TENM1: variants seen among roughly 807,000 people sequenced by gnomAD.
The protein encoded by TENM1 is teneurin transmembrane protein 1.
Under a neutral mutation model 174.8 loss-of-function variants are expected in TENM1, and 35 were observed. The observed-to-expected ratio is 0.20, with a 90% CI of 0.15 to 0.27. The LOEUF is 0.27. TENM1 is among the 10% of genes least tolerant of loss of function. The pLI is 1.00. For synonymous variants in TENM1, 781 were observed against 798.7 expected (o/e 0.98, Z 0.37); for missense variants, 1,633 against 2,130.1 (o/e 0.77, Z 4.59).
intron 3 of TENM1, among the ~76,000 whole-genome samples, chrX:124,826,878 T>A (rs1370524439): frequency 9.0e-6 from 1 of 111,652 alleles, no homozygotes; most frequent in Non-Finnish European, 1.9e-5. Context: ...AAGGTCACAC[T>A]TTTTGCTCAC....
intron 22 of TENM1, among the ~76,000 whole-genome samples, chrX:124,458,149 A>T (rs1302121550): frequency 8.9e-6 from 1 of 112,093 alleles, no homozygotes; most frequent in Non-Finnish European, 1.9e-5. Context: ...GTTCATGTGC[A>T]TTCCAATTCT....
At chrX:124,662,977 T>C (rs1167631664) in intron 6 of TENM1, among the ~76,000 whole-genome samples, 2 of 112,218 alleles carry the variant, frequency 1.8e-5, no homozygotes, top group Non-Finnish European at 3.8e-5. Flanking sequence ...AGTAGCAGCT[T>C]GGCTGATACA....
At chrX:125,137,468 T>C in the TENM1 span, among the ~76,000 whole-genome samples, 1 of 109,960 alleles carries the variant, frequency 9.1e-6, no homozygotes, top group Non-Finnish European at 1.9e-5. Context: ...AGGAATTAAA[T>C]AAATGGTGTC....
intron 3 of TENM1, among the ~76,000 whole-genome samples, chrX:124,751,931 T>G (rs1220304075): frequency 1.4e-4 from 15 of 110,425 alleles, no homozygotes; most frequent in Non-Finnish European, 2.7e-4. Flanking sequence ...TTGCTATTGT[T>G]AATAGTGCCG....
intron 15 of TENM1, among the ~76,000 whole-genome samples, chrX:124,532,984 G>A (rs1402663901): frequency 8.9e-6 from 1 of 112,119 alleles, no homozygotes. Context: ...CAGTATTAAA[G>A]TATTCTTTTT....
chrX:124,529,760 A>G, intron 16 of TENM1, 104 bp downstream of exon 19: 1 of 1,045,264 alleles, frequency 9.6e-7, no homozygotes, highest in Non-Finnish European at 1.3e-6. Context: ...TATAACTTGA[A>G]GAAAGATGGG....
the TENM1 span, among the ~76,000 whole-genome samples, chrX:125,072,257 C>A: frequency 9.0e-6 from 1 of 111,518 alleles, no homozygotes; most frequent in Non-Finnish European, 1.9e-5. Flanking sequence ...TCTGGTTTTC[C>A]TTTCCTTTAT....
At chrX:125,109,633 G>C in the TENM1 span, among the ~76,000 whole-genome samples, 1 of 111,236 alleles carries the variant, frequency 9.0e-6, no homozygotes, top group Non-Finnish European at 1.9e-5. Flanking sequence ...CAGAGGGAGA[G>C]AGAGAAAAGA....
At chrX:124,483,013 T>C (rs1319057362) in intron 21 of TENM1, among the ~76,000 whole-genome samples, 2 of 112,391 alleles carry the variant, frequency 1.8e-5, no homozygotes, top group Non-Finnish European at 3.8e-5. Context: ...TATCTTTCAG[T>C]ATCTCTGGCC....
At chrX:124,872,442 C>T (rs2057127522) in intron 3 of TENM1, among the ~76,000 whole-genome samples, 1 of 111,839 alleles carries the variant, frequency 8.9e-6, no homozygotes. Flanking sequence ...TACCAACAAA[C>T]TAACTTTTCA....
Position 124,660,209 on chromosome X carries a change from C to A in TENM1, c.1169-6426G>T, listed in dbSNP as rs1239675060. Among the ~76,000 whole-genome samples the A allele has an allele frequency of 3.6e-5, 4 of 109,836 alleles. No homozygotes were observed. The Admixed American group carries it at 3.9e-4, about 11-fold the overall frequency. On this transcript the variant is annotated intron_variant, in intron 6 of 31. Transcript: ENST00000422452. Reference sequence around the variant, plus strand: ...CTAACACAGTGAAACCCCGTCTCTACTAAAAAATAGAAAAAATTAGCCAGG... The same window carrying A: ...CTAACACAGTGAAACCCCGTCTCTAATAAAAAATAGAAAAAATTAGCCAGG...
intron 14 of TENM1, among the ~76,000 whole-genome samples, chrX:124,556,938 A>T (rs1306843644): frequency 1.8e-5 from 2 of 112,086 alleles, no homozygotes; most frequent in Non-Finnish European, 3.8e-5. Flanking sequence ...TTGCTAGACC[A>T]TAAGCTCCAT....
At chrX:124,555,835 C>T (rs1224840431) in intron 14 of TENM1, among the ~76,000 whole-genome samples, 1 of 111,807 alleles carries the variant, frequency 8.9e-6, no homozygotes, top group African/African-American at 3.3e-5. Flanking sequence ...CTTGTTTGTG[C>T]TCTAATTGAA....
chrX:124,631,750 A>G (rs1463642113), intron 11 of TENM1, among the ~76,000 whole-genome samples: 1 of 107,587 alleles, frequency 9.3e-6, no homozygotes, highest in Non-Finnish European at 1.9e-5. Context: ...ATACAAAAAA[A>G]TTAGCCAGGT....
At chrX:124,953,722 G>A (rs963076975) in intron 1 of TENM1, among the ~76,000 whole-genome samples, 1 of 111,690 alleles carries the variant, frequency 9.0e-6, no homozygotes, top group Non-Finnish European at 1.9e-5. Flanking sequence ...GTGACACTTA[G>A]CCAGGGAGTC....
At chrX:124,980,974 T>G in the TENM1 span, among the ~76,000 whole-genome samples, 1 of 112,225 alleles carries the variant, frequency 8.9e-6, no homozygotes, top group African/African-American at 3.2e-5. Flanking sequence ...TGTACTTTCC[T>G]CTCTGTTCTT....
intron 3 of TENM1, among the ~76,000 whole-genome samples, chrX:124,866,848 A>G (rs376284005): frequency 1.8e-5 from 2 of 111,591 alleles, no homozygotes; most frequent in African/African-American, 6.5e-5. Flanking sequence ...TCAAAGTATC[A>G]TTAGTGTAAT....
At chrX:124,523,258 C>T in intron 17 of TENM1, 106 bp downstream of exon 20, 4 of 862,957 alleles carry the variant, frequency 4.6e-6, no homozygotes, top group Admixed American at 5.6e-5. Flanking sequence ...AAGGGCAGCA[C>T]ATTATAAGGA....
At chrX:124,935,426 G>A (rs1250804415) in intron 1 of TENM1, among the ~76,000 whole-genome samples, 2 of 111,492 alleles carry the variant, frequency 1.8e-5, no homozygotes, top group Non-Finnish European at 3.8e-5. Flanking sequence ...TATCTTCCAG[G>A]AAACTTTCCC....
Sources: allele counts gnomAD v4.1 joint callset (sites outside exome capture counted in the v4.1 genomes callset), GRCh38; gene constraint gnomAD v4.1.1; transcripts MANE v1.5; gene names NCBI Gene and HGNC (gene_info 2026-07-23, HGNC 2026-07-21).